The following HTR7 variants were observed in gnomAD, a reference collection of about 807,000 sequenced individuals.
HTR7 encodes the protein 5-hydroxytryptamine receptor 7, also known as 5-HT-7.
HTR7 carries 16 observed loss-of-function variants against 34.0 expected under a neutral mutation model. The observed-to-expected ratio is 0.47, with a 90% CI of 0.32 to 0.71. HTR7 has a LOEUF of 0.71. Among genes scored for constraint, HTR7 ranks in the 30% least tolerant of loss-of-function variants. The pLI is 0.04. For synonymous variants in HTR7, 265 were observed against 260.2 expected (o/e 1.02, Z -0.18); for missense variants, 504 against 625.5 (o/e 0.81, Z 2.07).
intron 1 of HTR7, among the ~76,000 whole-genome samples, chr10:90,844,553 G>A (rs747453514): frequency 5.7e-4 from 86 of 150,950 alleles, no homozygotes; most frequent in Non-Finnish European, 1.1e-3. Context: ...GTGAAACCCC[G>A]CCTCTACTAA....
chr10:90,852,572 T>C (rs1389429769), intron 1 of HTR7, among the ~76,000 whole-genome samples: 1 of 152,196 alleles, frequency 6.6e-6, no homozygotes, highest in Non-Finnish European at 1.5e-5. Context: ...CTATTAGAGA[T>C]AGCCAGAAAC....
At chr10:90,838,776 G>A (rs546659679) in intron 1 of HTR7, among the ~76,000 whole-genome samples, 4 of 152,110 alleles carry the variant, frequency 2.6e-5, no homozygotes, top group African/African-American at 9.7e-5. Context: ...CACACAGCTG[G>A]CTCCTTCATG....
chr10:90,831,230 CGTGA>C (rs774097375), intron 1 of HTR7, among the ~76,000 whole-genome samples: 1 of 152,184 alleles, frequency 6.6e-6, no homozygotes, highest in Non-Finnish European at 1.5e-5. Context: ...AGACCCTCGC[CGTGA>C]GTGTTACAGT....
chr10:90,775,084 A>C (rs1845185209), intron 1 of HTR7, among the ~76,000 whole-genome samples: 1 of 152,192 alleles, frequency 6.6e-6, no homozygotes, highest in Non-Finnish European at 1.5e-5. Context: ...CCATACTCTC[A>C]TCACTCAGAA....
At chr10:90,776,541 A>G (rs552843302) in intron 1 of HTR7, among the ~76,000 whole-genome samples, 1 of 152,358 alleles carries the variant, frequency 6.6e-6, no homozygotes, top group East Asian at 1.9e-4. Flanking sequence ...TGAAGTTTAT[A>G]ATTTAAATTT....
chr10:90,857,537 C>G lies in HTR7; in HGVS notation c.135G>C (p.Ala45=). ...CTGTCACCTCGCTCAGCAGGTGCGG[C>G]GCCCAGGAGCCCGCGACCGGGTCGG... ...GGADPVAGSW[A]PHLLSEVTAS... is the part of the protein sequence containing the mutation. Residue 45 remains alanine (A), a synonymous_variant, in exon 1 of 4, where the codon GCG becomes GCC. Transcript: ENST00000336152. This position sits in a 1 kb window ranked among gnomAD's most constrained non-coding sequence, Gnocchi z 6.5. 6.2e-7 allele frequency: 1 copy of G among 1,604,200 alleles called. No individual in the cohort carries two copies. Among genetic ancestry groups the G allele is most frequent in the Non-Finnish European group, 8.5e-7 (1 of 1,175,976 alleles).
chr10:90,777,480 C>CAAAAA (rs1187256524), intron 1 of HTR7, among the ~76,000 whole-genome samples: 778 of 50,570 alleles, frequency 0.015, 12 homozygotes, highest in African/African-American at 0.051. Flanking sequence ...GACTCCGTCT[C>CAAAAA]AAAAAAAAAA....
chr10:90,761,445 C>T (rs1394268105), intron 1 of HTR7, among the ~76,000 whole-genome samples: 1 of 152,012 alleles, frequency 6.6e-6, no homozygotes, highest in African/African-American at 2.4e-5. Context: ...TGGACTCTTC[C>T]AGGATTTTAA....
At chr10:90,806,239 G>C (rs560228561) in intron 1 of HTR7, among the ~76,000 whole-genome samples, 1 of 152,140 alleles carries the variant, frequency 6.6e-6, no homozygotes, top group Non-Finnish European at 1.5e-5. Context: ...AGGATAAAAG[G>C]GTAGGGAATG....
chr10:90,778,338 A>G (rs1451196130), intron 1 of HTR7, among the ~76,000 whole-genome samples: 1 of 152,118 alleles, frequency 6.6e-6, no homozygotes, highest in Non-Finnish European at 1.5e-5. Context: ...ATGGATTCAT[A>G]GATTATTATG....
At chr10:90,816,694 G>A (rs756456876) in intron 1 of HTR7, among the ~76,000 whole-genome samples, 2 of 152,108 alleles carry the variant, frequency 1.3e-5, no homozygotes, top group Non-Finnish European at 1.5e-5. Context: ...GATGATTTAA[G>A]AGCCTATGAA....
chr10:90,766,724 T>A (rs1012469843), intron 1 of HTR7, among the ~76,000 whole-genome samples: 1 of 152,220 alleles, frequency 6.6e-6, no homozygotes, highest in African/African-American at 2.4e-5. Flanking sequence ...GTGTTTACCA[T>A]AAGGATTACA....
rs147148239 is a variant in HTR7 at position 90,782,985 on chromosome 10, T to C, written c.540-33391A>G. ...TGTATAGTTTTTGGTGGAAGTGCCT[T>C]GTTTCCTGATAAGTTTTATGATTTG... On this transcript the variant is annotated intron_variant, in intron 1 of 3. Transcript: ENST00000336152. Among the ~76,000 whole-genome samples the C allele has an allele frequency of 2.6e-3, 402 of 152,302 alleles. 2 individuals carry two copies. Among genetic ancestry groups the C allele is most frequent in the African/African-American group, 8.9e-3 (371 of 41,564 alleles).
chr10:90,849,462 G>T (rs1421090269), intron 1 of HTR7, among the ~76,000 whole-genome samples: 1 of 152,084 alleles, frequency 6.6e-6, no homozygotes, highest in African/African-American at 2.4e-5. Flanking sequence ...TATATTAGTT[G>T]GTGAGTTTTC....
chr10:90,792,286 T>C (rs1225849183), intron 1 of HTR7, among the ~76,000 whole-genome samples: 3 of 152,112 alleles, frequency 2.0e-5, no homozygotes, highest in African/African-American at 4.8e-5. Flanking sequence ...CAGCGTCTAA[T>C]TGGGTAAATG....
intron 1 of HTR7, among the ~76,000 whole-genome samples, chr10:90,841,849 A>C (rs10881839): frequency 0.38 from 57,179 of 151,844 alleles, 11,869 homozygotes; most frequent in African/African-American, 0.56. Flanking sequence ...AAAATACAAA[A>C]ATTAGCCAGG....
At position 90,764,657 on chromosome 10, in the gene HTR7, A is replaced by G. The variant is rs1444354926; in HGVS notation, c.540-15063T>C. 2.0e-5 allele frequency among the ~76,000 whole-genome samples: 3 copies of G among 152,074 alleles called. No homozygotes were observed. The East Asian group carries it at 5.8e-4, about 29-fold the overall frequency. On this transcript the variant is annotated intron_variant, in intron 1 of 3. Transcript: ENST00000336152. ...TTCTTTTCTAATTTGAATGCTTTTT[A>G]TTTCTTTTTCTTGCCTAATTAGTAT...
At chr10:90,855,947 A>C (rs1006890039) in intron 1 of HTR7, among the ~76,000 whole-genome samples, 2 of 152,204 alleles carry the variant, frequency 1.3e-5, no homozygotes, top group Non-Finnish European at 2.9e-5. Context: ...TCAAGCAAAA[A>C]ATACATACAG....
chr10:90,840,103 A>G lies in HTR7; in HGVS notation c.539+17030T>C, dbSNP rs76797762. Among the ~76,000 whole-genome samples the G allele has an allele frequency of 4.1e-3, 620 of 150,544 alleles. 2 individuals carry two copies. Among genetic ancestry groups the G allele is most frequent in the African/African-American group, 0.014 (588 of 41,046 alleles). ...CACCATCTTCTCTAACTTGGTTTGC[A>G]TGCAATCATCTTTTCCTCTCTCCTC... On this transcript the variant is annotated intron_variant, in intron 1 of 3. Transcript: ENST00000336152.
Sources: allele counts gnomAD v4.1 joint callset (sites outside exome capture counted in the v4.1 genomes callset), GRCh38; gene constraint gnomAD v4.1.1; non-coding constraint Gnocchi (gnomAD v3.1); transcripts MANE v1.5; gene names NCBI Gene and HGNC (gene_info 2026-07-23, HGNC 2026-07-21).